TNR: variants seen among roughly 807,000 people sequenced by gnomAD.
TNR encodes tenascin-R.
Under a neutral mutation model 150.4 loss-of-function variants are expected in TNR, and 45 were observed. The ratio of observed to expected loss-of-function variants is 0.30; its 90% CI spans 0.24 to 0.38. The LOEUF (loss-of-function observed/expected upper bound fraction) is 0.38. Among genes scored for constraint, TNR ranks in the 10% least tolerant of loss-of-function variants. TNR has a pLI of 1.00. For synonymous variants in TNR, 687 were observed against 678.4 expected (o/e 1.01, Z -0.20); for missense variants, 1,544 against 1,759.1 (o/e 0.88, Z 2.19).
intron 1 of TNR, among the ~76,000 whole-genome samples, chr1:175,670,457 G>A (rs1665664701): frequency 6.6e-6 from 1 of 152,220 alleles, no homozygotes; most frequent in Non-Finnish European, 1.5e-5. Flanking sequence ...TTGGCAATTT[G>A]TGAGCTCAGA....
chr1:175,722,758 T>C (rs1018147498), intron 1 of TNR, among the ~76,000 whole-genome samples: 2 of 149,974 alleles, frequency 1.3e-5, no homozygotes, highest in African/African-American at 5.0e-5. Context: ...TGAGCCACTG[T>C]GCCTGGCCTA....
intron 2 of TNR, among the ~76,000 whole-genome samples, chr1:175,489,661 G>A (rs995261810): frequency 2.0e-5 from 3 of 152,174 alleles, no homozygotes; most frequent in Non-Finnish European, 4.4e-5. Flanking sequence ...AGAGAATGGT[G>A]ATAGCAAGCT....
At chr1:175,671,807 C>T (rs868375533) in intron 1 of TNR, among the ~76,000 whole-genome samples, 1 of 151,584 alleles carries the variant, frequency 6.6e-6, no homozygotes, top group Admixed American at 6.6e-5. Context: ...CATAAAATTG[C>T]ACTTGTGATA....
At chr1:175,383,454 G>A (rs1652776819) in intron 8 of TNR, among the ~76,000 whole-genome samples, 1 of 152,194 alleles carries the variant, frequency 6.6e-6, no homozygotes. Context: ...CCTCCTGAGG[G>A]CAACTGAAAC....
chr1:175,670,370 A>G (rs950414779), intron 1 of TNR, among the ~76,000 whole-genome samples: 3 of 152,196 alleles, frequency 2.0e-5, no homozygotes, highest in Non-Finnish European at 2.9e-5. Flanking sequence ...GGACCACAGC[A>G]TCCCTCAGAA....
chr1:175,701,700 T>C (rs1390188752), intron 1 of TNR, among the ~76,000 whole-genome samples: 2 of 152,230 alleles, frequency 1.3e-5, no homozygotes, highest in African/African-American at 4.8e-5. Context: ...ACAATGCTGT[T>C]GATTAAGAAG....
At position 175,319,480 on chromosome 1, in the gene TNR, G is replaced by C. The variant is rs1403521640; in HGVS notation, c.*3877C>G. On this transcript the variant is annotated 3_prime_UTR_variant, in exon 23 of 23. Coordinates refer to ENST00000367674, the MANE Select transcript of TNR (RefSeq NM_003285.3). ...TTAGGATTGTTTGGTTTGGCATTGA[G>C]GTTATTGGCAACCATGGTTCTTTAG... 1.3e-5 allele frequency: 2 copies of C among 152,302 alleles called. No homozygotes were observed. Among genetic ancestry groups the C allele is most frequent in the Non-Finnish European group, 2.9e-5 (2 of 68,050 alleles). 9.4% of individuals were successfully genotyped at this position (152,302 alleles called of 1,614,324 possible). A position where few individuals can be genotyped will look rare whatever the true frequency, so the allele number is the denominator to read the frequency against.
chr1:175,431,913 C>CTCTCTCTCTCTCTCTCTCCTTCTA (rs1226489578), intron 2 of TNR, among the ~76,000 whole-genome samples: 1 of 149,552 alleles, frequency 6.7e-6, no homozygotes, highest in East Asian at 2.0e-4. Flanking sequence ...ACCATAATAT[C>CTCTCTCTCTCTCTCTCTCCTTCTA]TCTCTCTCTC....
intron 1 of TNR, among the ~76,000 whole-genome samples, chr1:175,720,280 C>T (rs1189099499): frequency 6.6e-6 from 1 of 152,166 alleles, no homozygotes; most frequent in Non-Finnish European, 1.5e-5. Flanking sequence ...CTCTTTCTGT[C>T]ATGTGAGGAT....
chr1:175,583,556 G>T (rs1450899579), intron 1 of TNR, among the ~76,000 whole-genome samples: 1 of 152,206 alleles, frequency 6.6e-6, no homozygotes, highest in Non-Finnish European at 1.5e-5. Context: ...GTCTAAGAAA[G>T]CTCATGGGAC....
At chr1:175,692,302 C>T (rs996772903) in intron 1 of TNR, among the ~76,000 whole-genome samples, 14 of 152,190 alleles carry the variant, frequency 9.2e-5, no homozygotes, top group Non-Finnish European at 1.8e-4. Context: ...ATGCTTGGGA[C>T]ATGGTCTTGT....
chr1:175,491,801 C>A (rs962616820), intron 2 of TNR, among the ~76,000 whole-genome samples: 2 of 152,056 alleles, frequency 1.3e-5, no homozygotes, highest in African/African-American at 4.8e-5. Flanking sequence ...AGGCACCCAC[C>A]ACCACACCCG....
At chr1:175,463,909 C>T (rs1656922613) in intron 2 of TNR, among the ~76,000 whole-genome samples, 1 of 152,200 alleles carries the variant, frequency 6.6e-6, no homozygotes, top group Non-Finnish European at 1.5e-5. Flanking sequence ...TAACCAACTC[C>T]ATTATCTGCT....
At chr1:175,366,502 C>T (rs551649560) in intron 10 of TNR, among the ~76,000 whole-genome samples, 7 of 152,350 alleles carry the variant, frequency 4.6e-5, no homozygotes, top group African/African-American at 1.7e-4. Flanking sequence ...ATATGCCATT[C>T]CTGGCAACAG....
intron 1 of TNR, among the ~76,000 whole-genome samples, chr1:175,729,611 TC>T (rs1298639882): frequency 1.3e-5 from 2 of 152,140 alleles, no homozygotes; most frequent in African/African-American, 4.8e-5. Flanking sequence ...CCTCCCTCCC[TC>T]CCTTCCTTTT....
At chr1:175,677,271 T>C (rs1393700417) in intron 1 of TNR, among the ~76,000 whole-genome samples, 1 of 152,208 alleles carries the variant, frequency 6.6e-6, no homozygotes, top group Non-Finnish European at 1.5e-5. Flanking sequence ...GAGGATTTCC[T>C]GGGTGTCTTC....
At chr1:175,687,600 G>A (rs759127678) in intron 1 of TNR, among the ~76,000 whole-genome samples, 3 of 151,890 alleles carry the variant, frequency 2.0e-5, no homozygotes, top group African/African-American at 7.3e-5. Flanking sequence ...AGTTAACCCC[G>A]AAATGAAGAA....
intron 1 of TNR, among the ~76,000 whole-genome samples, chr1:175,611,690 G>A (rs1663606136): frequency 6.6e-6 from 1 of 152,108 alleles, no homozygotes; most frequent in Admixed American, 6.5e-5. Context: ...GACCCACTGA[G>A]AAATTAATTA....
At chr1:175,563,732 T>C (rs1199848977) in intron 1 of TNR, among the ~76,000 whole-genome samples, 2 of 152,236 alleles carry the variant, frequency 1.3e-5, no homozygotes, top group East Asian at 3.8e-4. Flanking sequence ...CGCATCGCTA[T>C]TGGAATGCAT....
Sources: allele counts gnomAD v4.1 joint callset (sites outside exome capture counted in the v4.1 genomes callset), GRCh38; gene constraint gnomAD v4.1.1; transcripts MANE v1.5; gene names NCBI Gene and HGNC (gene_info 2026-07-23, HGNC 2026-07-21).